KIF26B: variants seen among roughly 807,000 people sequenced by gnomAD.
KIF26B encodes kinesin-like protein KIF26B.
KIF26B carries 63 observed loss-of-function variants against 151.2 expected under a neutral mutation model. That is an observed-to-expected ratio of 0.42 (90% confidence interval 0.34 to 0.51). KIF26B has a LOEUF of 0.51. Ranked by LOEUF, KIF26B falls within the 20% of genes least tolerant of loss-of-function variation. The pLI, the probability that KIF26B is intolerant of heterozygous loss-of-function variation, is 0.07. For missense variants in KIF26B, 2,813 were observed against 2,913.6 expected, an observed-to-expected ratio of 0.97 and a Z score of 0.79; for synonymous variants, 1,357 against 1,262.1, an observed-to-expected ratio of 1.08 and a Z score of -1.59.
At chr1:245,508,295 C>T (rs934697039) in intron 4 of KIF26B, among the ~76,000 whole-genome samples, 2 of 152,180 alleles carry the variant, frequency 1.3e-5, no homozygotes, top group Non-Finnish European at 2.9e-5. Context: ...GGCTGGAGTG[C>T]AGTGGCGCGA....
chr1:245,251,320 A>G (rs79877256), intron 2 of KIF26B, among the ~76,000 whole-genome samples: 1,865 of 152,324 alleles, frequency 0.012, 43 homozygotes, highest in African/African-American at 0.041. Flanking sequence ...ATGCCAGCCA[A>G]GAGTCAACCT....
chr1:245,208,241 T>G (rs1669445350), intron 2 of KIF26B, among the ~76,000 whole-genome samples: 1 of 152,080 alleles, frequency 6.6e-6, no homozygotes. Flanking sequence ...CAGAAAACAA[T>G]TTTGAATTTT....
chr1:245,473,218 C>T (rs966320691), intron 4 of KIF26B, among the ~76,000 whole-genome samples: 1 of 152,256 alleles, frequency 6.6e-6, no homozygotes, highest in Non-Finnish European at 1.5e-5. Flanking sequence ...TAAAGACCCT[C>T]TGACCAAAGG....
At chr1:245,478,953 G>A (rs369658646) in intron 4 of KIF26B, among the ~76,000 whole-genome samples, 1 of 151,840 alleles carries the variant, frequency 6.6e-6, no homozygotes, top group Non-Finnish European at 1.5e-5. Flanking sequence ...GAATCAGCCC[G>A]AGGATTTTGG....
At chr1:245,344,336 C>A (rs1377994488) in intron 2 of KIF26B, among the ~76,000 whole-genome samples, 1 of 151,420 alleles carries the variant, frequency 6.6e-6, no homozygotes, top group African/African-American at 2.4e-5. Flanking sequence ...GAGTCATATC[C>A]CCCTTTAAAA....
intron 4 of KIF26B, among the ~76,000 whole-genome samples, chr1:245,439,346 C>CAAAAAAAAAAAAAAAAAAAA (rs777808376): frequency 1.5e-5 from 2 of 131,722 alleles, no homozygotes; most frequent in African/African-American, 5.7e-5. Context: ...GACCCTGTCT[C>CAAAAAAAAAAAAAAAAAAAA]AAAAAAAAAA....
chr1:245,491,084 G>A (rs1660399376), intron 4 of KIF26B, among the ~76,000 whole-genome samples: 1 of 151,956 alleles, frequency 6.6e-6, no homozygotes, highest in East Asian at 1.9e-4. Context: ...TTTTGTTGCT[G>A]AGATTGGAGT....
At chr1:245,653,733 C>A (rs1465345220) in intron 10 of KIF26B, among the ~76,000 whole-genome samples, 2 of 152,076 alleles carry the variant, frequency 1.3e-5, no homozygotes, top group African/African-American at 2.4e-5. Context: ...ATCAAACATA[C>A]CAGCAAAGCT....
chr1:245,478,613 T>G (rs1423821943), intron 4 of KIF26B, among the ~76,000 whole-genome samples: 1 of 151,644 alleles, frequency 6.6e-6, no homozygotes, highest in Non-Finnish European at 1.5e-5. Flanking sequence ...AGATGGGGTT[T>G]CACCGTGTTA....
chr1:245,549,737 A>G (rs780133835), intron 5 of KIF26B, among the ~76,000 whole-genome samples: 12 of 152,210 alleles, frequency 7.9e-5, no homozygotes, highest in South Asian at 4.2e-4. Context: ...CTAATGCCTC[A>G]TTGAACCAAA....
intron 2 of KIF26B, among the ~76,000 whole-genome samples, chr1:245,289,441 G>C (rs867729749): frequency 6.6e-6 from 1 of 152,108 alleles, no homozygotes; most frequent in South Asian, 2.1e-4. Context: ...GCTACCCTTT[G>C]CCTGATAGCA....
chr1:245,531,557 C>G (rs531744757), intron 4 of KIF26B, among the ~76,000 whole-genome samples: 1 of 152,224 alleles, frequency 6.6e-6, no homozygotes, highest in South Asian at 2.1e-4. Flanking sequence ...GTCTAGAATT[C>G]CAGGCTACTT....
intron 2 of KIF26B, among the ~76,000 whole-genome samples, chr1:245,171,685 A>G (rs1347288957): frequency 6.6e-6 from 1 of 152,224 alleles, no homozygotes; most frequent in Non-Finnish European, 1.5e-5. Context: ...TTTTATAATC[A>G]TAGAACGATG....
At chr1:245,497,882 T>G (rs1660543592) in intron 4 of KIF26B, among the ~76,000 whole-genome samples, 2 of 152,240 alleles carry the variant, frequency 1.3e-5, no homozygotes, top group African/African-American at 4.8e-5. Context: ...TAGCTGGGAT[T>G]ACAGGCATGT....
In KIF26B at chr1:245,190,312, T is replaced by C. The variant is rs542786629; in HGVS notation, c.465+33629T>C. Among the ~76,000 whole-genome samples the C allele has an allele frequency of 2.0e-5, 3 of 152,298 alleles. No individual in the cohort carries two copies. The South Asian group carries it at 6.2e-4, about 32-fold the overall frequency. On this transcript the variant is annotated intron_variant, in intron 2 of 14. Transcript: ENST00000407071. ...CCGGGTGCTCAGATTGCTGGGACTC[T>C]CTTGTCAGGACTTCTTCCTTCTTTT... is the stretch of plus-strand genomic sequence containing the variant.
chr1:245,201,526 C>T (rs1669301018), intron 2 of KIF26B, among the ~76,000 whole-genome samples: 1 of 152,184 alleles, frequency 6.6e-6, no homozygotes, highest in Non-Finnish European at 1.5e-5. Context: ...GGTTGTTAGC[C>T]ACCTGGATAA....
chr1:245,419,433 C>A, intron 3 of KIF26B, 146 bp from the exon 4 acceptor site: 1 of 581,172 alleles, frequency 1.7e-6, no homozygotes. Flanking sequence ...CTTCCAGTAG[C>A]CCTAAGCATC....
chr1:245,376,546 T>A (rs1281631780), intron 3 of KIF26B, among the ~76,000 whole-genome samples: 1 of 152,116 alleles, frequency 6.6e-6, no homozygotes, highest in East Asian at 1.9e-4. Flanking sequence ...AAGGAAGAAT[T>A]TATCTGGCAC....
rs992321547 is a variant in KIF26B, at chr1:245,511,101, T to A, written c.1167-29666T>A. Reference sequence around the variant, plus strand: ...TGCACTTGATTATTTAGCCATGACTTATCAATGATGATGGATTGGAAAGCA... The same window carrying A: ...TGCACTTGATTATTTAGCCATGACTAATCAATGATGATGGATTGGAAAGCA... On this transcript the variant is annotated intron_variant, in intron 4 of 14. Coordinates refer to ENST00000407071, the MANE Select transcript of KIF26B (RefSeq NM_018012.4). 1.5e-5 allele frequency: 11 copies of A among 717,378 alleles called. No individual in the cohort carries two copies. In the African/African-American group the frequency reaches 1.6e-4, roughly 10 times the overall value. 44.4% of individuals were successfully genotyped at this position (717,378 alleles called of 1,614,324 possible). A position where few individuals can be genotyped will look rare whatever the true frequency, so the allele number is the denominator to read the frequency against.
Sources: allele counts gnomAD v4.1 joint callset (sites outside exome capture counted in the v4.1 genomes callset), GRCh38; gene constraint gnomAD v4.1.1; transcripts MANE v1.5; gene names NCBI Gene and HGNC (gene_info 2026-07-23, HGNC 2026-07-21).